FBXO4: variants seen among roughly 807,000 people sequenced by gnomAD.
The protein encoded by FBXO4 is F-box only protein 4.
Under a neutral mutation model 43.7 loss-of-function variants are expected in FBXO4, and 36 were observed. That is an observed-to-expected ratio of 0.82 (90% CI 0.63 to 1.09). The LOEUF is 1.09. Ranked by LOEUF, FBXO4 falls within the 50% of genes least tolerant of loss-of-function variation. FBXO4 has a pLI of 0.00. For synonymous variants in FBXO4, 180 were observed against 165.6 expected, an observed-to-expected ratio of 1.09 and a Z score of -0.67; for missense variants, 435 against 474.1, an observed-to-expected ratio of 0.92 and a Z score of 0.77.
chr5:41,940,923 A>G (rs1267908914), intron 6 of FBXO4, among the ~76,000 whole-genome samples: 2 of 152,162 alleles, frequency 1.3e-5, no homozygotes, highest in South Asian at 2.1e-4. Flanking sequence ...CCCCTCATAC[A>G]TGGAAGCAAG....
At chr5:42,031,907 T>G in the FBXO4 span, among the ~76,000 whole-genome samples, 34 of 152,224 alleles carry the variant, frequency 2.2e-4, no homozygotes, top group African/African-American at 7.9e-4. Context: ...GTAAGTTCAG[T>G]AACACTGTGG....
chr5:41,934,282 A>G lies in FBXO4; in HGVS notation c.872A>G (p.Tyr291Cys), dbSNP rs781184658. 59 of 1,614,040 alleles carry G rather than the reference A, an allele frequency of 3.7e-5. No individual in the cohort carries two copies. The highest frequency in any genetic ancestry group is 4.6e-5 in the Non-Finnish European group (54 of 1,180,022). ...TGTGAAGTTGTAGATGGGTTCATCTATGTTGCAAATGCTGAAGCTCATAAA... is the reference window on the plus strand; with the variant it reads ...TGTGAAGTTGTAGATGGGTTCATCTGTGTTGCAAATGCTGAAGCTCATAAA... ...KVCEVVDGFI[Y>C]VANAEAHKRH... The change falls in exon 5 of 7, where the codon TAT becomes TGT. Residue 291 changes from tyrosine (Y) to cysteine (C), a missense_variant. Coordinates refer to ENST00000281623, the MANE Select transcript of FBXO4 (RefSeq NM_012176.3).
chr5:41,946,941 C>T, the FBXO4 span, among the ~76,000 whole-genome samples: 3 of 152,166 alleles, frequency 2.0e-5, no homozygotes, highest in Admixed American at 1.3e-4. Flanking sequence ...TCCCTAAATA[C>T]TCAGAATCAA....
chr5:41,981,633 A>G, the FBXO4 span, among the ~76,000 whole-genome samples: 1 of 151,918 alleles, frequency 6.6e-6, no homozygotes, highest in Non-Finnish European at 1.5e-5. Context: ...CCAGCAGTGT[A>G]TGAAACTGCT....
At chr5:41,979,003 T>A in the FBXO4 span, among the ~76,000 whole-genome samples, 1,791 of 152,234 alleles carry the variant, frequency 0.012, 37 homozygotes, top group African/African-American at 0.041. Context: ...AAACGCTAGA[T>A]GGTAAATTTT....
the FBXO4 span, among the ~76,000 whole-genome samples, chr5:42,040,319 G>C: frequency 1.3e-5 from 2 of 151,868 alleles, no homozygotes; most frequent in Non-Finnish European, 2.9e-5. Flanking sequence ...TTTTGGTTTC[G>C]TTTGTTTACT....
the FBXO4 span, among the ~76,000 whole-genome samples, chr5:41,954,410 T>C: frequency 6.6e-6 from 1 of 152,322 alleles, no homozygotes; most frequent in African/African-American, 2.4e-5. Flanking sequence ...TCTACTTCAT[T>C]GTTATGCAAT....
the FBXO4 span, among the ~76,000 whole-genome samples, chr5:41,950,171 G>A: frequency 1.3e-5 from 2 of 151,952 alleles, no homozygotes; most frequent in South Asian, 2.1e-4. Flanking sequence ...ACTTCATGAC[G>A]AAAACACCAA....
At chr5:41,999,535 ACATATATATG>A in the FBXO4 span, among the ~76,000 whole-genome samples, 76 of 100,372 alleles carry the variant, frequency 7.6e-4, 1 homozygote, top group African/African-American at 4.0e-3. Flanking sequence ...ATATATATAT[ACATATATATG>A]TATATATATA....
chr5:42,033,018 A>T, the FBXO4 span, among the ~76,000 whole-genome samples: 2 of 152,254 alleles, frequency 1.3e-5, no homozygotes, highest in South Asian at 4.1e-4. Context: ...GGTTGTGCTA[A>T]AAATGCCTGG....
the FBXO4 span, among the ~76,000 whole-genome samples, chr5:42,030,805 A>G: frequency 3.9e-5 from 6 of 152,252 alleles, no homozygotes; most frequent in Non-Finnish European, 7.3e-5. Flanking sequence ...AGGGATATGA[A>G]CAGACACTTC....
chr5:41,927,213 G>A lies in FBXO4; in HGVS notation c.390G>A (p.Glu130=). Residue 130 remains glutamate, a synonymous_variant, in exon 2 of 7, where the codon GAG becomes GAA. Transcript: ENST00000281623. The part of the protein sequence containing the change: ...DLEILKKPIS[E]VTDGAFFDYM... ...AAATCTTAAAAAAGCCTATATCTGA[G>A]GTCACTGATGGTGCATTTTTTGACT... 1 of 1,607,384 alleles carries A rather than the reference G, an allele frequency of 6.2e-7. No homozygotes were observed.
the FBXO4 span, among the ~76,000 whole-genome samples, chr5:42,015,799 A>G: frequency 6.6e-6 from 1 of 152,288 alleles, no homozygotes; most frequent in African/African-American, 2.4e-5. Context: ...GTCTGATCTC[A>G]AGTGATACTA....
the FBXO4 span, among the ~76,000 whole-genome samples, chr5:42,031,222 C>T: frequency 0.24 from 36,892 of 151,704 alleles, 5,068 homozygotes; most frequent in African/African-American, 0.38. Flanking sequence ...TTTCCAACAA[C>T]AATAGACTGG....
At chr5:41,990,526 G>A in the FBXO4 span, among the ~76,000 whole-genome samples, 1 of 152,124 alleles carries the variant, frequency 6.6e-6, no homozygotes, top group Non-Finnish European at 1.5e-5. Context: ...AATAATGTTT[G>A]AGCTAAGATC....
the FBXO4 span, among the ~76,000 whole-genome samples, chr5:41,961,052 T>C: frequency 6.6e-6 from 1 of 152,136 alleles, no homozygotes; most frequent in African/African-American, 2.4e-5. Context: ...CTTTACGTGC[T>C]AATTTTTCTG....
chr5:41,970,142 A>G, the FBXO4 span, among the ~76,000 whole-genome samples: 5 of 152,104 alleles, frequency 3.3e-5, no homozygotes, highest in Non-Finnish European at 7.4e-5. Context: ...TTTCTCATTT[A>G]AAATATTGAG....
chr5:41,951,665 C>T, the FBXO4 span: 2 of 202,874 alleles, frequency 9.9e-6, no homozygotes, highest in African/African-American at 2.4e-5. Flanking sequence ...AACTTCTTGG[C>T]CACCATCCAC....
chr5:41,991,385 T>C, the FBXO4 span, among the ~76,000 whole-genome samples: 1 of 152,232 alleles, frequency 6.6e-6, no homozygotes, highest in Non-Finnish European at 1.5e-5. Flanking sequence ...GCTGATGATA[T>C]CGTCCTCAGA....
Sources: allele counts gnomAD v4.1 joint callset (sites outside exome capture counted in the v4.1 genomes callset), GRCh38; gene constraint gnomAD v4.1.1; transcripts MANE v1.5; gene names NCBI Gene and HGNC (gene_info 2026-07-23, HGNC 2026-07-21).